DDX10: variants seen among roughly 807,000 people sequenced by gnomAD.
DDX10 encodes the protein DEAD-box helicase 10.
A neutral mutation model predicts 104.3 loss-of-function variants in DDX10; 74 were observed. That is an observed-to-expected ratio of 0.71 (90% CI 0.59 to 0.86). The LOEUF (loss-of-function observed/expected upper bound fraction) is 0.86. DDX10 is among the 40% of genes least tolerant of loss of function. The probability of loss-of-function intolerance (pLI) is 0.00; values close to 1 mark genes in which losing one functional copy is unlikely to be tolerated. For missense variants in DDX10, 952 were observed against 1,040.0 expected (o/e 0.92, Z 1.16); for synonymous variants, 351 against 353.4 (o/e 0.99, Z 0.08).
At chr11:108,857,247 T>C (rs536767204) in intron 16 of DDX10, among the ~76,000 whole-genome samples, 3 of 152,268 alleles carry the variant, frequency 2.0e-5, no homozygotes, top group East Asian at 3.9e-4. Flanking sequence ...CGACTAGTCA[T>C]GGAAAATTAC....
chr11:108,677,928 G>T (rs1011385716), intron 4 of DDX10, among the ~76,000 whole-genome samples: 7 of 151,918 alleles, frequency 4.6e-5, no homozygotes, highest in Admixed American at 4.6e-4. Flanking sequence ...AGTTCACAAA[G>T]TACAGTCCTT....
intron 13 of DDX10, among the ~76,000 whole-genome samples, chr11:108,772,982 T>C (rs1467849003): frequency 1.3e-5 from 2 of 152,184 alleles, no homozygotes; most frequent in East Asian, 1.9e-4. Context: ...TTCGGTATTA[T>C]TGTGAACATA....
chr11:108,887,301 T>G (rs2134636874), intron 16 of DDX10, among the ~76,000 whole-genome samples: 1 of 152,274 alleles, frequency 6.6e-6, no homozygotes, highest in East Asian at 1.9e-4. Context: ...TTAATTGATA[T>G]TTAGAAATAA....
chr11:108,921,699 C>A (rs1301279828), intron 17 of DDX10: 1 of 152,428 alleles, frequency 6.6e-6, no homozygotes, highest in Non-Finnish European at 1.5e-5. Flanking sequence ...GTGGCTCACA[C>A]CTGTAATCCT....
chr11:108,727,030 T>C (rs983896421), intron 13 of DDX10, among the ~76,000 whole-genome samples: 2 of 152,084 alleles, frequency 1.3e-5, no homozygotes, highest in African/African-American at 2.4e-5. Context: ...TTTGAAAAAC[T>C]CCATTTAAGC....
chr11:108,715,833 C>T (rs2094290598), intron 10 of DDX10, 46 bp from the exon 11 acceptor site: 1 of 1,017,524 alleles, frequency 9.8e-7, no homozygotes, highest in Non-Finnish European at 1.5e-6. Context: ...TTTTAGTCTC[C>T]AAATTTGAGA....
At chr11:108,907,079 A>G (rs1293310871) in intron 16 of DDX10, among the ~76,000 whole-genome samples, 3 of 152,176 alleles carry the variant, frequency 2.0e-5, no homozygotes, top group African/African-American at 4.8e-5. Context: ...TTGCATATTC[A>G]TATGCCAGCC....
chr11:108,784,091 G>A (rs921323261), intron 13 of DDX10, among the ~76,000 whole-genome samples: 4 of 152,108 alleles, frequency 2.6e-5, no homozygotes, highest in Non-Finnish European at 2.9e-5. Flanking sequence ...TTTTACTATT[G>A]TGAATAACAC....
chr11:108,935,805 T>A (rs928599236), intron 17 of DDX10, among the ~76,000 whole-genome samples: 1 of 152,144 alleles, frequency 6.6e-6, no homozygotes, highest in African/African-American at 2.4e-5. Context: ...AATTTCAAAA[T>A]CATCAAAATA....
chr11:108,806,966 C>G (rs747748528), intron 13 of DDX10, among the ~76,000 whole-genome samples: 4 of 152,054 alleles, frequency 2.6e-5, no homozygotes, highest in Non-Finnish European at 4.4e-5. Flanking sequence ...ATTTGGGAAG[C>G]CATTGAAGGA....
intron 6 of DDX10, among the ~76,000 whole-genome samples, chr11:108,685,805 CA>C (rs1162015849): frequency 2.6e-5 from 4 of 152,158 alleles, no homozygotes; most frequent in Non-Finnish European, 2.9e-5. Context: ...TTTCATCTGT[CA>C]GTGTATCTAA....
At chr11:108,923,789 G>A (rs1439485583) in intron 17 of DDX10, among the ~76,000 whole-genome samples, 2 of 152,174 alleles carry the variant, frequency 1.3e-5, no homozygotes, top group East Asian at 3.9e-4. Flanking sequence ...TCTAGGCCTG[G>A]TGGGTCAGAA....
chr11:108,913,925 G>A lies in DDX10; in HGVS notation c.2305-3948G>A, dbSNP rs143035865. On this transcript the variant is annotated intron_variant, in intron 16 of 17. Coordinates refer to ENST00000322536, the MANE Select transcript of DDX10 (RefSeq NM_004398.4). Reference sequence around the variant, plus strand: ...TCACATTATACTTTCCATAATACAGGTATTCCACATTTTATTGGTCATTGT... The same window carrying A: ...TCACATTATACTTTCCATAATACAGATATTCCACATTTTATTGGTCATTGT... Among the ~76,000 whole-genome samples, 34 of 152,138 alleles carry A rather than the reference G, an allele frequency of 2.2e-4. 1 individual carries two copies. Among genetic ancestry groups the A allele is most frequent in the African/African-American group, 8.0e-4 (33 of 41,504 alleles).
chr11:108,862,256 C>T (rs1409412358), intron 16 of DDX10, among the ~76,000 whole-genome samples: 3 of 152,046 alleles, frequency 2.0e-5, no homozygotes, highest in African/African-American at 7.2e-5. Context: ...ACTTCTGGCA[C>T]CAAGTGATCC....
chr11:108,788,222 T>G (rs1861821219), intron 13 of DDX10, among the ~76,000 whole-genome samples: 1 of 152,222 alleles, frequency 6.6e-6, no homozygotes, highest in Non-Finnish European at 1.5e-5. Flanking sequence ...AGAGTTCTTG[T>G]GCTGATTCTT....
rs761012549 is a variant in DDX10, at chr11:108,706,806, C to A, written c.1291C>A (p.Leu431Ile). 6.2e-7 allele frequency: 1 copy of A among 1,614,044 alleles called. No homozygotes were observed. Among genetic ancestry groups the A allele is most frequent in the African/African-American group, 1.3e-5 (1 of 75,028 alleles). ...PSEKAMVQQL[L>I]QKKVPVKEIK... ...AGAAAAAGCTATGGTGCAGCAGCTT[C>A]TTCAGAAGAAAGTACCTGTGAAGGA... The change falls in exon 10 of 18, where the codon CTT becomes ATT. Residue 431 changes from leucine to isoleucine, a missense_variant. Physicochemically the swap from Leu to Ile is conservative, Grantham distance 5 (BLOSUM62 2). This residue lies in a region of DDX10 where 533 missense variants were observed against 534.1 expected (regional missense o/e 1.00). Coordinates refer to ENST00000322536, the MANE Select transcript of DDX10 (RefSeq NM_004398.4).
chr11:108,678,108 C>G (rs116318186), intron 4 of DDX10, among the ~76,000 whole-genome samples: 1 of 152,118 alleles, frequency 6.6e-6, no homozygotes, highest in Admixed American at 6.5e-5. Flanking sequence ...ATTTAGAACT[C>G]TGAGCTCCTT....
Position 108,738,315 on chromosome 11 carries a change from T to C in DDX10, c.1965+14853T>C, listed in dbSNP as rs899481331. Among the ~76,000 whole-genome samples the C allele has an allele frequency of 4.6e-5, 7 of 151,716 alleles. No individual in the cohort carries two copies. The South Asian group carries it at 1.5e-3, about 32-fold the overall frequency. ...TCAGCGAGTCTTATTTTCTTTTTAC[T>C]GTTTCCTCTTAAGAGTTTTTTAAGT... is the stretch of plus-strand genomic sequence containing the variant. On this transcript the variant is annotated intron_variant, in intron 13 of 17. Transcript: ENST00000322536.
intron 13 of DDX10, among the ~76,000 whole-genome samples, chr11:108,725,157 T>C (rs1462297078): frequency 1.3e-5 from 2 of 152,082 alleles, no homozygotes; most frequent in Non-Finnish European, 2.9e-5. Context: ...ATCAGTAGTT[T>C]GTTCCTTTTA....
Sources: allele counts gnomAD v4.1 joint callset (sites outside exome capture counted in the v4.1 genomes callset), GRCh38; gene constraint gnomAD v4.1.1; regional missense constraint gnomAD v4.1.1; transcripts MANE v1.5; gene names NCBI Gene and HGNC (gene_info 2026-07-23, HGNC 2026-07-21).